CSMD1: variants seen among roughly 807,000 people sequenced by gnomAD.
CSMD1 encodes the protein CUB and sushi domain-containing protein 1.
Under a neutral mutation model 417.5 loss-of-function variants are expected in CSMD1, and 213 were observed. That is an observed-to-expected ratio of 0.51 (90% CI 0.46 to 0.57). The LOEUF is 0.57. Ranked by LOEUF, CSMD1 falls within the 20% of genes least tolerant of loss-of-function variation. The pLI, the probability that CSMD1 is intolerant of heterozygous loss-of-function variation, is 0.00. For missense variants in CSMD1, 6,923 were observed against 4,529.7 expected (o/e 1.53, Z -15.17); for synonymous variants, 2,862 against 1,736.8 (o/e 1.65, Z -16.11).
intron 15 of CSMD1, among the ~76,000 whole-genome samples, chr8:3,399,884 C>G (rs1811934577): frequency 6.6e-6 from 1 of 152,176 alleles, no homozygotes. Context: ...ATTATCTATA[C>G]ATAAGCAAAT....
chr8:3,098,272 T>C (rs138850422), intron 46 of CSMD1, among the ~76,000 whole-genome samples: 2,022 of 152,318 alleles, frequency 0.013, 44 homozygotes, highest in African/African-American at 0.047. Context: ...TTATCGCCTT[T>C]TAATTAGTTA....
intron 18 of CSMD1, among the ~76,000 whole-genome samples, chr8:3,370,867 T>A (rs1809901849): frequency 6.6e-6 from 1 of 151,914 alleles, no homozygotes; most frequent in Admixed American, 6.6e-5. Context: ...TTCCAGCTAT[T>A]CAGAAGGCTG....
intron 5 of CSMD1, among the ~76,000 whole-genome samples, chr8:3,931,229 A>G (rs939455073): frequency 2.0e-5 from 3 of 150,668 alleles, no homozygotes; most frequent in Non-Finnish European, 4.4e-5. Flanking sequence ...TCGGAGAATG[A>G]TAATACATTT....
chr8:3,508,003 T>G (rs938976705), intron 10 of CSMD1, among the ~76,000 whole-genome samples: 2 of 152,206 alleles, frequency 1.3e-5, no homozygotes, highest in Admixed American at 1.3e-4. Context: ...CAGAGGCTCT[T>G]GAGTTTTATT....
chr8:3,548,680 AC>A, intron 10 of CSMD1, among the ~76,000 whole-genome samples: 1 of 151,368 alleles, frequency 6.6e-6, no homozygotes, highest in East Asian at 2.0e-4. Context: ...ACACACACAC[AC>A]ACACACACAC....
intron 6 of CSMD1, among the ~76,000 whole-genome samples, chr8:3,732,226 C>T (rs752775500): frequency 3.3e-5 from 5 of 152,152 alleles, no homozygotes; most frequent in Admixed American, 6.5e-5. Context: ...TTAGCAGTTT[C>T]GCCCGAGGCC....
At chr8:4,190,253 CAAAA>C (rs11397581) in intron 3 of CSMD1, among the ~76,000 whole-genome samples, 2 of 67,030 alleles carry the variant, frequency 3.0e-5, no homozygotes, top group Non-Finnish European at 3.0e-5. Flanking sequence ...ACTCCGTCTC[CAAAA>C]AAAAAAAAAA....
At chr8:3,474,662 G>T (rs1214257615) in intron 11 of CSMD1, among the ~76,000 whole-genome samples, 1 of 152,130 alleles carries the variant, frequency 6.6e-6, no homozygotes, top group Non-Finnish European at 1.5e-5. Context: ...AGCCTAAGGG[G>T]AAATTGGTTT....
At chr8:3,414,314 T>C (rs1005848262) in intron 12 of CSMD1, among the ~76,000 whole-genome samples, 6 of 146,700 alleles carry the variant, frequency 4.1e-5, no homozygotes, top group Non-Finnish European at 7.5e-5. Flanking sequence ...ACGGAAAATA[T>C]TGTTTAAGGA....
intron 2 of CSMD1, among the ~76,000 whole-genome samples, chr8:4,441,591 A>G (rs1013812141): frequency 6.6e-6 from 1 of 152,154 alleles, no homozygotes; most frequent in East Asian, 1.9e-4. Context: ...TTTTATGTTC[A>G]ATACATTTGA....
At chr8:3,427,926 G>A (rs976054873) in intron 12 of CSMD1, among the ~76,000 whole-genome samples, 1 of 152,220 alleles carries the variant, frequency 6.6e-6, no homozygotes, top group African/African-American at 2.4e-5. Context: ...GGGCTGACAA[G>A]CGCCCTTGCA....
At chr8:4,551,109 A>C (rs1797850375) in intron 2 of CSMD1, among the ~76,000 whole-genome samples, 1 of 152,212 alleles carries the variant, frequency 6.6e-6, no homozygotes, top group Non-Finnish European at 1.5e-5. Context: ...GGTTATAATT[A>C]CCTAAAGAGA....
chr8:4,218,273 G>A (rs562826343), intron 3 of CSMD1, among the ~76,000 whole-genome samples: 2 of 152,238 alleles, frequency 1.3e-5, no homozygotes, highest in Admixed American at 6.5e-5. Flanking sequence ...TGTGACAATA[G>A]CAATACATCC....
chr8:4,470,309 A>T (rs919999640), intron 2 of CSMD1, among the ~76,000 whole-genome samples: 1 of 151,966 alleles, frequency 6.6e-6, no homozygotes, highest in Non-Finnish European at 1.5e-5. Context: ...CCTTTATTTC[A>T]TGCTAGTTTC....
In CSMD1 at chr8:4,476,004, G is replaced by A. The variant is rs533659512; in HGVS notation, c.303-55939C>T. Among the ~76,000 whole-genome samples the A allele has an allele frequency of 1.3e-3, 203 of 151,964 alleles. 1 individual carries two copies. Among genetic ancestry groups the A allele is most frequent in the African/African-American group, 4.5e-3 (186 of 41,446 alleles). On this transcript the variant is annotated intron_variant, in intron 2 of 69. Coordinates refer to ENST00000635120, the MANE Select transcript of CSMD1 (RefSeq NM_033225.6). ...TGCACAGTCATATCTTTCATTTTCC[G>A]TAATTAATCAGCAGACAAAAGCAAT...
In CSMD1 at chr8:3,258,809, G is replaced by T. The variant is rs1194921811; in HGVS notation, c.4153+25335C>A. On this transcript the variant is annotated intron_variant, in intron 26 of 69. Coordinates refer to ENST00000635120, the MANE Select transcript of CSMD1 (RefSeq NM_033225.6). ...CTTTACAGGAACATGGATGGAGCTG[G>T]AGGCCATTATTCTTAGCAAACAAAT... Among the ~76,000 whole-genome samples, 3 of 152,338 alleles carry T rather than the reference G, an allele frequency of 2.0e-5. No homozygotes were observed. The South Asian group carries it at 6.2e-4, about 32-fold the overall frequency.
intron 23 of CSMD1, among the ~76,000 whole-genome samples, chr8:3,312,007 T>A (rs1584979528): frequency 6.6e-6 from 1 of 152,146 alleles, no homozygotes; most frequent in African/African-American, 2.4e-5. Context: ...AAAAATAGGC[T>A]TATTTTAAAA....
At chr8:4,395,835 T>C (rs73658845) in intron 3 of CSMD1, among the ~76,000 whole-genome samples, 6,220 of 152,234 alleles carry the variant, frequency 0.041, 444 homozygotes, top group African/African-American at 0.14. Context: ...CACATTAACT[T>C]AGAAAATGAT....
At chr8:4,950,666 A>G (rs1808680620) in intron 1 of CSMD1, among the ~76,000 whole-genome samples, 1 of 152,222 alleles carries the variant, frequency 6.6e-6, no homozygotes, top group South Asian at 2.1e-4. Context: ...GGATTTCCGG[A>G]AAAAGAATTC....
Sources: gnomAD v4.1 joint callset for allele counts (sites outside exome capture counted in the v4.1 genomes callset) on GRCh38, gnomAD v4.1.1 for gene constraint, MANE v1.5 for transcripts, NCBI Gene and HGNC (gene_info 2026-07-23, HGNC 2026-07-21) for gene names.